Variants in ALG11 observed in about 807,000 individuals in gnomAD.
ALG11 encodes the protein GDP-Man:Man(3)GlcNAc(2)-PP-Dol alpha-1,2-mannosyltransferase.
ALG11 carries 26 observed loss-of-function variants against 38.8 expected under a neutral mutation model. The ratio of observed to expected loss-of-function variants is 0.67; its 90% CI spans 0.49 to 0.93. ALG11 has a LOEUF of 0.93. Among genes scored for constraint, ALG11 ranks in the 40% least tolerant of loss-of-function variants. The probability of loss-of-function intolerance (pLI) is 0.00; values close to 1 mark genes in which losing one functional copy is unlikely to be tolerated. For missense variants in ALG11, 535 were observed against 578.8 expected (o/e 0.92, Z 0.78); for synonymous variants, 199 against 211.6 (o/e 0.94, Z 0.52).
intron 3 of ALG11, 44 bp downstream of exon 3, chr13:52,024,981 A>G: frequency 6.4e-7 from 1 of 1,557,904 alleles, no homozygotes; most frequent in Non-Finnish European, 8.8e-7. Flanking sequence ...CATGAGATAC[A>G]CATTTTAAGT....
In ALG11 at chr13:52,029,323, G is replaced by A. The variant is rs770937958; in HGVS notation, c.*733G>A. 6.8e-6 allele frequency: 11 copies of A among 1,613,956 alleles called. No homozygotes were observed. The highest frequency in any genetic ancestry group is 1.7e-5 in the Admixed American group (1 of 59,986). On this transcript the variant is annotated 3_prime_UTR_variant, in exon 4 of 4. Transcript: ENST00000521508. Reference sequence around the variant, plus strand: ...CAGCCATTGCTCCCATTGAACATGCGCTCAGTGGCTGGAAGGCAAGAACTC... The same window carrying A: ...CAGCCATTGCTCCCATTGAACATGCACTCAGTGGCTGGAAGGCAAGAACTC...
rs1478261214 is a variant in ALG11, at chr13:52,024,230, G to A, written c.500G>A (p.Cys167Tyr). The change falls in exon 3 of 4, where the codon TGT (cysteine) becomes TAT (tyrosine). Residue 167 changes from cysteine (C) to tyrosine (Y), a missense_variant. Physicochemically the swap from Cys to Tyr is radical, Grantham distance 194. Transcript: ENST00000521508. ...IFLGWEALMQ[C>Y]VPDVYIDSMG... ...CTTGGCTGGGAAGCTCTAATGCAGT[G>A]TGTTCCTGATGTTTACATTGATTCA... 2.5e-6 allele frequency: 4 copies of A among 1,614,030 alleles called. No homozygotes were observed. The Admixed American group carries it at 6.7e-5, about 27-fold the overall frequency.
Position 52,030,460 on chromosome 13 carries a change from G to C in ALG11, c.*1870G>C, listed in dbSNP as rs1362246825. 2.5e-6 allele frequency: 4 copies of C among 1,614,128 alleles called. No individual in the cohort carries two copies. Among genetic ancestry groups the C allele is most frequent in the Admixed American group, 1.7e-5 (1 of 60,004 alleles). On this transcript the variant is annotated 3_prime_UTR_variant, in exon 4 of 4. Transcript: ENST00000521508. ...CTGATGCCCCTAAGGAGAAGAAAGA[G>C]AAGGAGCAACTGATCAACCTACAGA...
At chr13:52,016,040 G>A (rs1223814938) in intron 1 of ALG11, 1 of 155,718 alleles carries the variant, frequency 6.4e-6, no homozygotes, top group African/African-American at 2.4e-5. Context: ...TCCAGGCTGA[G>A]GTGGTCTCAG....
rs1219968699 is a variant in ALG11 at position 52,032,399 on chromosome 13, C to G, written c.*3809C>G. The G allele has an allele frequency of 6.0e-6, 1 of 167,000 alleles. No individual in the cohort carries two copies. Among genetic ancestry groups the G allele is most frequent in the Non-Finnish European group, 1.5e-5 (1 of 68,104 alleles). The allele number at this position is 167,000 out of a possible 1,614,324, so 10.3% of individuals were successfully genotyped here. A position where few individuals can be genotyped will look rare whatever the true frequency, so the allele number is the denominator to read the frequency against. ...TGCACCTTCTATCCTGAATAACTAG[C>G]ATGGAAAAGTGAATATATGTGTGAG... is the stretch of plus-strand genomic sequence containing the variant. On this transcript the variant is annotated 3_prime_UTR_variant, in exon 4 of 4. Transcript: ENST00000521508.
At chr13:52,015,464 A>G (rs1954126512) in intron 1 of ALG11, among the ~76,000 whole-genome samples, 1 of 152,196 alleles carries the variant, frequency 6.6e-6, no homozygotes, top group African/African-American at 2.4e-5. Context: ...GTGGGCAGTG[A>G]AAACTATGTG....
At position 52,018,992 on chromosome 13, in the gene ALG11, A is replaced by G. The variant is rs201067230; in HGVS notation, c.124A>G (p.Ile42Val). The G allele has an allele frequency of 2.7e-5, 43 of 1,614,050 alleles. 1 individual carries two copies. The East Asian group carries it at 8.9e-4, about 33-fold the overall frequency. Reference sequence around the variant, plus strand: ...GTGTTTGGTCATTGTCCTTTGGGGAATCAGACTGCTGCTACAGAGAAAGAA... The same window carrying G: ...GTGTTTGGTCATTGTCCTTTGGGGAGTCAGACTGCTGCTACAGAGAAAGAA... ...CVCLVIVLWG[I>V]RLLLQRKKKL... Residue 42 changes from isoleucine to valine, a missense_variant, in exon 2 of 4, where the codon ATC becomes GTC. Transcript: ENST00000521508.
intron 2 of ALG11, chr13:52,021,877 A>G (rs1033486741): frequency 6.6e-6 from 1 of 152,206 alleles, no homozygotes; most frequent in Admixed American, 6.5e-5. Context: ...GACTCCGTAC[A>G]TGACAGCTGT....
chr13:52,021,342 C>CA (rs1954182069), intron 2 of ALG11: 1 of 152,194 alleles, frequency 6.6e-6, no homozygotes, highest in Non-Finnish European at 1.5e-5. Flanking sequence ...AAAACTGGGG[C>CA]ACTAGAGCCC....
rs1954291653 is a variant in ALG11, at chr13:52,030,544, GGAGCTGGAAGATGAA to G, written c.*1958_*1972del. The G allele has an allele frequency of 6.2e-7, 1 of 1,614,052 alleles. No individual in the cohort carries two copies. Among genetic ancestry groups the G allele is most frequent in the Non-Finnish European group, 8.5e-7 (1 of 1,180,052 alleles). ...CTTTGGCAGTTCCCACAATAATAGA[GGAGCTGGAAGATGAA>G]GAGGAGAGAGACCAAAGGCAGATGA... On this transcript the variant is annotated 3_prime_UTR_variant, in exon 4 of 4. Coordinates refer to ENST00000521508, the MANE Select transcript of ALG11 (RefSeq NM_001004127.3).
Position 52,030,016 on chromosome 13 carries a change from A to C in ALG11, c.*1426A>C. 6.2e-7 allele frequency: 1 copy of C among 1,614,244 alleles called. No homozygotes were observed. Among genetic ancestry groups the C allele is most frequent in the South Asian group, 1.1e-5 (1 of 91,090 alleles). On this transcript the variant is annotated 3_prime_UTR_variant, in exon 4 of 4. Coordinates refer to ENST00000521508, the MANE Select transcript of ALG11 (RefSeq NM_001004127.3). ...AGCTTGCAGCTCATGAGGTTTCTGC[A>C]AGTGAGGCAGAAGAAAGACCAGTGG... is the stretch of plus-strand genomic sequence containing the variant.
chr13:52,024,173 C>T lies in ALG11; in HGVS notation c.443C>T (p.Thr148Ile). The change falls in exon 3 of 4, where the codon ACA (threonine) becomes ATA (isoleucine). Residue 148 changes from threonine (T) to isoleucine (I), a missense_variant. By Grantham distance (89) the Thr-to-Ile change is moderately conservative. Transcript: ENST00000521508. ...LVEDSLYPHF[T>I]LLGQSLGSIF... The stretch of plus-strand genomic sequence containing the variant: ...GAAGATTCACTGTATCCTCACTTCA[C>T]ACTGCTGGGCCAAAGTCTAGGATCC... 8.1e-6 allele frequency: 13 copies of T among 1,614,084 alleles called. No individual in the cohort carries two copies. Among genetic ancestry groups the T allele is most frequent in the Non-Finnish European group, 1.1e-5 (13 of 1,180,022 alleles).
Position 52,028,921 on chromosome 13 carries a change from G to C in ALG11, c.*331G>C. On this transcript the variant is annotated 3_prime_UTR_variant, in exon 4 of 4. Transcript: ENST00000521508. ...AAGATGAGGGGGACAGTGATGGAGA[G>C]AGAAAGCATCAAAAGCTTCTGGAAG... 2 of 1,614,244 alleles carry C rather than the reference G, an allele frequency of 1.2e-6. No homozygotes were observed. The highest frequency in any genetic ancestry group is 3.3e-5 in the Admixed American group (2 of 60,028).
At chr13:52,026,112 A>G (rs927480533) in intron 3 of ALG11, among the ~76,000 whole-genome samples, 1 of 152,224 alleles carries the variant, frequency 6.6e-6, no homozygotes, top group African/African-American at 2.4e-5. Context: ...GCCAGGTGCT[A>G]TGCTAAGGAA....
chr13:52,029,944 T>C lies in ALG11; in HGVS notation c.*1354T>C. ...CCTGGATGTTCAGGAGCTGCACCAG[T>C]GACACCAAAGAGGCTGCAACACAGG... On this transcript the variant is annotated 3_prime_UTR_variant, in exon 4 of 4. Transcript: ENST00000521508. 6.2e-7 allele frequency: 1 copy of C among 1,614,166 alleles called. No individual in the cohort carries two copies. Among genetic ancestry groups the C allele is most frequent in the Non-Finnish European group, 8.5e-7 (1 of 1,180,028 alleles).
Position 52,028,993 on chromosome 13 carries a change from G to A in ALG11, c.*403G>A, listed in dbSNP as rs757873811. ...AGAATAGGCGGAAATTGGCTGAGAG[G>A]TCTGAGGCTAGTCTGAAAGTGTCAG... On this transcript the variant is annotated 3_prime_UTR_variant, in exon 4 of 4. Coordinates refer to ENST00000521508, the MANE Select transcript of ALG11 (RefSeq NM_001004127.3). 1.2e-6 allele frequency: 2 copies of A among 1,614,242 alleles called. No homozygotes were observed. Among genetic ancestry groups the A allele is most frequent in the South Asian group, 2.2e-5 (2 of 91,086 alleles).
chr13:52,024,994 T>C, intron 3 of ALG11, 57 bp downstream of exon 3: 3 of 1,531,556 alleles, frequency 2.0e-6, no homozygotes, highest in Non-Finnish European at 2.7e-6. Flanking sequence ...TTTTAAGTTC[T>C]TTTGATAAAA....
chr13:52,027,698 G>C (rs1395540556), intron 3 of ALG11, among the ~76,000 whole-genome samples: 1 of 152,236 alleles, frequency 6.6e-6, no homozygotes, highest in Non-Finnish European at 1.5e-5. Context: ...TGGGCATGCA[G>C]TAGTCTCAAA....
chr13:52,026,630 A>G (rs1593904681), intron 3 of ALG11, among the ~76,000 whole-genome samples: 1 of 152,274 alleles, frequency 6.6e-6, no homozygotes, highest in East Asian at 1.9e-4. Context: ...GGAAGAGAAG[A>G]CTACCTAGGG....
Sources: allele counts gnomAD v4.1 joint callset (sites outside exome capture counted in the v4.1 genomes callset), GRCh38; gene constraint gnomAD v4.1.1; transcripts MANE v1.5; gene names NCBI Gene and HGNC (gene_info 2026-07-23, HGNC 2026-07-21).